The following TRAFD1 variants were observed in gnomAD, a reference collection of about 807,000 sequenced individuals.
TRAFD1 encodes the protein TRAF-type zinc finger domain containing 1, also known as TRAF-type zinc finger domain-containing protein 1.
A neutral mutation model predicts 65.3 loss-of-function variants in TRAFD1; 38 were observed. That is an observed-to-expected ratio of 0.58 (90% CI 0.45 to 0.76). TRAFD1 has a LOEUF of 0.76. Among genes scored for constraint, TRAFD1 ranks in the 30% least tolerant of loss-of-function variants. TRAFD1 has a pLI of 0.00. For synonymous variants in TRAFD1, 223 were observed against 257.2 expected (o/e 0.87, Z 1.27); for missense variants, 631 against 712.6 (o/e 0.89, Z 1.30).
At chr12:112,141,321 A>C (rs1007420739) in intron 5 of TRAFD1, 97 bp downstream of exon 5, 6 of 1,397,750 alleles carry the variant, frequency 4.3e-6, no homozygotes, top group East Asian at 2.3e-5. Context: ...GATTATAGAA[A>C]CCCGACTGTA....
chr12:112,153,025 A>G lies in TRAFD1; in HGVS notation c.*234A>G. 2.0e-6 allele frequency: 1 copy of G among 489,458 alleles called. No individual in the cohort carries two copies. The highest frequency in any genetic ancestry group is 3.6e-6 in the Non-Finnish European group (1 of 276,728). The allele number at this position is 489,458 out of a possible 1,614,324, so 30.3% of individuals were successfully genotyped here. On this transcript the variant is annotated 3_prime_UTR_variant, in exon 12 of 12. Transcript: ENST00000412615. ...TCAGCCTTAGCTGCTACCTTTCGGC[A>G]GCAGTGAAATACAAGCTGCAGCCTC...
intron 2 of TRAFD1, among the ~76,000 whole-genome samples, chr12:112,133,898 G>A (rs930250143): frequency 1.3e-5 from 2 of 150,872 alleles, no homozygotes; most frequent in Non-Finnish European, 2.9e-5. Context: ...TAGAAGCGGG[G>A]TTTCACCATG....
At chr12:112,127,793 C>CTCGA (rs1414677334) in intron 1 of TRAFD1, among the ~76,000 whole-genome samples, 3 of 151,588 alleles carry the variant, frequency 2.0e-5, no homozygotes, top group Non-Finnish European at 2.9e-5. Context: ...GCAGGATGGT[C>CTCGA]TCGATCTCCT....
chr12:112,148,376 T>TC, intron 8 of TRAFD1, 72 bp downstream of exon 8: 2 of 1,317,902 alleles, frequency 1.5e-6, no homozygotes, highest in Non-Finnish European at 2.2e-6. Flanking sequence ...TGAGAACACT[T>TC]CCTTAGCCTT....
chr12:112,134,001 ATTTTTTT>A lies in TRAFD1; in HGVS notation c.48-717_48-711del, dbSNP rs545753010. ...CGTTACTGCACCTGGAAAGGATTTA[ATTTTTTT>A]TTTTTTTTTTTTTTTTTTTGAGACA... is the stretch of plus-strand genomic sequence containing the variant. On this transcript the variant is annotated intron_variant, in intron 2 of 11. Coordinates refer to ENST00000412615, the MANE Select transcript of TRAFD1 (RefSeq NM_006700.3). Among the ~76,000 whole-genome samples, 653 of 95,124 alleles carry A rather than the reference ATTTTTTT, an allele frequency of 6.9e-3. 3 individuals are homozygous for A. The highest frequency in any genetic ancestry group is 0.015 in the South Asian group (37 of 2,466). 62.4% of individuals were successfully genotyped at this position (95,124 alleles called of 152,430 possible).
rs923666635 is a variant in TRAFD1, at chr12:112,152,437, G to A, written c.1630G>A (p.Glu544Lys). The A allele has an allele frequency of 3.1e-6, 5 of 1,613,352 alleles. No individual in the cohort carries two copies. The highest frequency in any genetic ancestry group is 4.2e-6 in the Non-Finnish European group (5 of 1,180,050). ...SGRYGASGRS[E>K]GGRNSRVTPA... ...ATTGTTTTCTTTCAGTGGTAGGAGT[G>A]AAGGTGGCAGGAATTCCCGGGTCAC... The change falls in exon 11 of 12, where the codon GAA becomes AAA. Residue 544 changes from glutamate (E) to lysine (K), a missense_variant. Coordinates refer to ENST00000412615, the MANE Select transcript of TRAFD1 (RefSeq NM_006700.3). The surrounding 1 kb of genome is among the most constrained non-coding windows in gnomAD (Gnocchi z 5.0).
chr12:112,128,496 C>G (rs1022401506), intron 1 of TRAFD1, among the ~76,000 whole-genome samples: 1 of 152,158 alleles, frequency 6.6e-6, no homozygotes, highest in African/African-American at 2.4e-5. Context: ...GCTTTGCTTT[C>G]TGCATTGACA....
chr12:112,145,699 T>C, intron 7 of TRAFD1, 37 bp downstream of exon 7: 1 of 1,594,522 alleles, frequency 6.3e-7, no homozygotes, highest in Non-Finnish European at 8.6e-7. Context: ...TTAGTAGGAT[T>C]GTATGCAGGC....
At chr12:112,140,739 C>T in intron 4 of TRAFD1, 80 bp from the exon 5 acceptor site, 1 of 1,520,484 alleles carries the variant, frequency 6.6e-7, no homozygotes, top group South Asian at 1.2e-5. Flanking sequence ...GCAGTAGATA[C>T]TCTTGGCTTT....
Position 112,130,554 on chromosome 12 carries a change from G to A in TRAFD1, c.32G>A (p.Arg11Gln), listed in dbSNP as rs781060005. The A allele has an allele frequency of 8.1e-6, 13 of 1,612,910 alleles. No individual in the cohort carries two copies. Among genetic ancestry groups the A allele is most frequent in the East Asian group, 4.5e-5 (2 of 44,792 alleles). ...GAATTTCTAGATGACCAGGAAACTC[G>A]ACTGTGTGACAACTGGTAAGACATT... is the stretch of plus-strand genomic sequence containing the variant. Reference protein sequence around the residue: MAEFLDDQETRLCDNCKKEIP... With the variant: MAEFLDDQETQLCDNCKKEIP... Residue 11 changes from arginine (R) to glutamine (Q), a missense_variant, in exon 2 of 12, where the codon CGA (arginine) becomes CAA (glutamine). Physicochemically the swap from Arg to Gln is conservative, Grantham distance 43 (BLOSUM62 1). Transcript: ENST00000412615. This position sits in a 1 kb window ranked among gnomAD's most constrained non-coding sequence, Gnocchi z 4.4.
At chr12:112,138,494 G>A (rs999515692) in intron 4 of TRAFD1, among the ~76,000 whole-genome samples, 1 of 151,870 alleles carries the variant, frequency 6.6e-6, no homozygotes, top group African/African-American at 2.4e-5. Context: ...AGGTTGCAGT[G>A]AGCCAAGATC....
At chr12:112,143,173 G>A (rs1429589695) in intron 6 of TRAFD1, among the ~76,000 whole-genome samples, 4 of 151,920 alleles carry the variant, frequency 2.6e-5, no homozygotes, top group African/African-American at 9.7e-5. Context: ...TCCGCCTCCC[G>A]GGTTCACGCC....
chr12:112,127,126 G>A (rs2079542719), intron 1 of TRAFD1, among the ~76,000 whole-genome samples: 1 of 151,920 alleles, frequency 6.6e-6, no homozygotes, highest in South Asian at 2.1e-4. Flanking sequence ...CTCTTTCATT[G>A]CTTTTAGGCC....
intron 1 of TRAFD1, among the ~76,000 whole-genome samples, chr12:112,128,856 C>T (rs1346261877): frequency 6.6e-6 from 1 of 151,928 alleles, no homozygotes; most frequent in African/African-American, 2.4e-5. Context: ...GCCTGGTCAA[C>T]ATGGTGAAAC....
rs2030423202 is a variant in TRAFD1 at position 112,152,012 on chromosome 12, G to C, written c.1491G>C (p.Arg497=). The C allele has an allele frequency of 6.2e-7, 1 of 1,614,236 alleles. No individual in the cohort carries two copies. The highest frequency in any genetic ancestry group is 8.5e-7 in the Non-Finnish European group (1 of 1,180,042). ...SNSDSQDIQG[R]NRDSQNGAIA... is the part of the protein sequence containing the mutation. ...CAGACAGCCAGGACATCCAGGGGCGGAATCGAGACAGCCAGAATGGGGCCA... is the reference window on the plus strand; with the variant it reads ...CAGACAGCCAGGACATCCAGGGGCGCAATCGAGACAGCCAGAATGGGGCCA... Residue 497 remains arginine, a synonymous_variant, in exon 10 of 12, where the codon CGG becomes CGC. Coordinates refer to ENST00000412615, the MANE Select transcript of TRAFD1 (RefSeq NM_006700.3). This position sits in a 1 kb window ranked among gnomAD's most constrained non-coding sequence, Gnocchi z 5.0.
At chr12:112,148,565 TGGAA>T (rs2030319478) in intron 8 of TRAFD1, among the ~76,000 whole-genome samples, 1 of 152,172 alleles carries the variant, frequency 6.6e-6, no homozygotes, top group African/African-American at 2.4e-5. Context: ...TGAGCAGGTG[TGGAA>T]GGAAGCCTTG....
At chr12:112,139,792 A>G (rs990020646) in intron 4 of TRAFD1, among the ~76,000 whole-genome samples, 4 of 151,646 alleles carry the variant, frequency 2.6e-5, no homozygotes, top group Admixed American at 1.3e-4. Flanking sequence ...TGAGGATGGG[A>G]GTTTGAGACC....
chr12:112,149,595 C>T (rs2136981856), intron 8 of TRAFD1, 156 bp from the exon 9 acceptor site: 1 of 917,814 alleles, frequency 1.1e-6, no homozygotes, highest in East Asian at 2.7e-5. Context: ...TTGAATGCAA[C>T]CATTCCAGAT....
In TRAFD1 at chr12:112,152,180, T is replaced by G. The variant is rs142334371; in HGVS notation, c.1619+40T>G. On this transcript the variant is annotated intron_variant, in intron 10 of 11. Coordinates refer to ENST00000412615, the MANE Select transcript of TRAFD1 (RefSeq NM_006700.3). The surrounding 1 kb of genome is among the most constrained non-coding windows in gnomAD (Gnocchi z 5.0). ...CCCAGGAATGGGGCTTGGGAGTAGC[T>G]GAAGCGAACATGGGCAAAGGCCTGG... 0.018 allele frequency: 29,106 copies of G among 1,578,086 alleles called. 343 individuals are homozygous for G. The highest frequency in any genetic ancestry group is 0.02 in the Non-Finnish European group (23,510 of 1,162,388).
Sources: allele counts gnomAD v4.1 joint callset (sites outside exome capture counted in the v4.1 genomes callset), GRCh38; gene constraint gnomAD v4.1.1; non-coding constraint Gnocchi (gnomAD v3.1); transcripts MANE v1.5; gene names NCBI Gene and HGNC (gene_info 2026-07-23, HGNC 2026-07-21).